ZNF737: variants seen among roughly 807,000 people sequenced by gnomAD.
ZNF737 encodes the protein zinc finger protein 737.
In ZNF737, 13 loss-of-function variants were observed where a neutral mutation model predicts 11.7. The observed-to-expected ratio is 1.11, with a 90% CI of 0.73 to 1.77. The LOEUF is 1.77. Among genes scored for constraint, ZNF737 ranks in the 40% most tolerant of loss-of-function variants. ZNF737 has a pLI of 0.00. For missense variants in ZNF737, 636 were observed against 638.0 expected, an observed-to-expected ratio of 1.00 and a Z score of 0.03; for synonymous variants, 217 against 216.2, an observed-to-expected ratio of 1.00 and a Z score of -0.03.
At chr19:20,537,722 G>A (rs570481827), downstream of ZNF737, among the ~76,000 whole-genome samples, 13 of 151,340 alleles carry the variant, frequency 8.6e-5, no homozygotes, top group South Asian at 2.5e-3. Context: ...TCACCATGTT[G>A]GCCAGGCTGG....
chr19:20,546,889 A>C (rs562103545), intron 3 of ZNF737, among the ~76,000 whole-genome samples: 92 of 152,298 alleles, frequency 6.0e-4, no homozygotes, highest in African/African-American at 9.1e-4. Flanking sequence ...AAACAACAAC[A>C]ACCAATCATT....
intron 3 of ZNF737, among the ~76,000 whole-genome samples, chr19:20,549,129 G>A (rs1599415846): frequency 6.6e-6 from 1 of 151,858 alleles, no homozygotes; most frequent in South Asian, 2.1e-4. Context: ...TCAAAAATCA[G>A]CTAAGAAAGA....
chr19:20,560,631 T>A (rs1555762202), intron 1 of ZNF737, among the ~76,000 whole-genome samples: 1 of 151,718 alleles, frequency 6.6e-6, no homozygotes, highest in African/African-American at 2.4e-5. Flanking sequence ...AAATACAGAA[T>A]TAGCTGGGTG....
intron 1 of ZNF737, among the ~76,000 whole-genome samples, chr19:20,555,228 G>T (rs1968844975): frequency 6.6e-6 from 1 of 151,032 alleles, no homozygotes; most frequent in African/African-American, 2.4e-5. Flanking sequence ...TGTTGCCCAG[G>T]CTGGAGTGCA....
chr19:20,564,158 CTG>C (rs1236601503), intron 1 of ZNF737: 1 of 151,750 alleles, frequency 6.6e-6, no homozygotes. Flanking sequence ...GAGCGAGACT[CTG>C]TTTCAAAAAA....
chr19:20,565,668 T>C lies in ZNF737; in HGVS notation c.-28A>G. 6.2e-7 allele frequency: 1 copy of C among 1,614,014 alleles called. No individual in the cohort carries two copies. The highest frequency in any genetic ancestry group is 8.5e-7 in the Non-Finnish European group (1 of 1,180,014). On this transcript the variant is annotated 5_prime_UTR_variant, in exon 1 of 4. Coordinates refer to ENST00000427401, the MANE Select transcript of ZNF737 (RefSeq NM_001159293.2). ...CTAGGCTTCCAGGGGCTCCCGGGCG[T>C]CTTAGCTGTGGATCTCCCAATACCT...
intron 1 of ZNF737, 85 bp from the exon 2 acceptor site, chr19:20,553,920 A>G: frequency 4.0e-6 from 6 of 1,518,486 alleles, no homozygotes; most frequent in Non-Finnish European, 4.5e-6. Context: ...GAGAGAGTAA[A>G]GACAAATGGT....
chr19:20,544,558 G>A lies in ZNF737; in HGVS notation c.*34C>T. 6.4e-7 allele frequency: 1 copy of A among 1,562,748 alleles called. No homozygotes were observed. The highest frequency in any genetic ancestry group is 8.6e-7 in the Non-Finnish European group (1 of 1,159,216). ...TTTTCTTATGTGAAAAAAGCATAGT[G>A]GGATAGCTTAAAGCTTTGCCACATT... On this transcript the variant is annotated 3_prime_UTR_variant, in exon 4 of 4. Coordinates refer to ENST00000427401, the MANE Select transcript of ZNF737 (RefSeq NM_001159293.2).
At chr19:20,553,015 A>C (rs202184124) in intron 2 of ZNF737, among the ~76,000 whole-genome samples, 5,477 of 148,088 alleles carry the variant, frequency 0.037, 220 homozygotes, top group African/African-American at 0.099. Flanking sequence ...CTGTCCCCGA[A>C]AAAAAAAAAA....
In ZNF737 at chr19:20,539,835, T is replaced by G. The variant is rs1555754710; in HGVS notation, c.*4757A>C. On this transcript the variant is annotated 3_prime_UTR_variant, in exon 4 of 4. Transcript: ENST00000427401. Reference sequence around the variant, plus strand: ...CTGTGTCACCAGAATGGTGCAGACATGCTGATTGAATTAGAATGAGTTCAG... The same window carrying G: ...CTGTGTCACCAGAATGGTGCAGACAGGCTGATTGAATTAGAATGAGTTCAG... 1 of 985,316 alleles carries G rather than the reference T, an allele frequency of 1.0e-6. No homozygotes were observed. The allele number at this position is 985,316 out of a possible 1,614,324, so 61.0% of individuals were successfully genotyped here.
rs1299244153 is a variant in ZNF737, at chr19:20,538,172, C to T, written c.*6420G>A. ...CTTAGAAGCAAAGTTTATTCAAAGA[C>T]CTGTGCTAACATTCTTAAATATCTG... On this transcript the variant is annotated 3_prime_UTR_variant, in exon 4 of 4. Transcript: ENST00000427401. The T allele has an allele frequency of 8.7e-6, 2 of 229,394 alleles. No homozygotes were observed. Among genetic ancestry groups the T allele is most frequent in the Non-Finnish European group, 1.4e-5 (2 of 138,898 alleles). 14.2% of individuals were successfully genotyped at this position (229,394 alleles called of 1,614,324 possible). A position where few individuals can be genotyped will look rare whatever the true frequency, so the allele number is the denominator to read the frequency against.
chr19:20,531,029 T>C (rs2545943), downstream of ZNF737, among the ~76,000 whole-genome samples: 90,907 of 145,726 alleles, frequency 0.62, 31,266 homozygotes, highest in African/African-American at 0.83. Context: ...AGCTGGAGAC[T>C]AGCCCGGCCA....
rs1555756261 is a variant in ZNF737, at chr19:20,544,915, A to G, written c.1288T>C (p.Cys430Arg). 1 of 1,613,142 alleles carries G rather than the reference A, an allele frequency of 6.2e-7. No individual in the cohort carries two copies. Among genetic ancestry groups the G allele is most frequent in the Non-Finnish European group, 8.5e-7 (1 of 1,179,576 alleles). ...TGQQPFKCEE[C>R]GKAFKCFSIL... is the part of the protein sequence containing the mutation. ...GAGAAGCACTTAAAGGCCTTGCCAC[A>G]TTCTTCACACTTGAAGGGTTGCTGT... is the stretch of plus-strand genomic sequence containing the variant. Residue 430 changes from cysteine (C) to arginine (R), a missense_variant, in exon 4 of 4, where the codon TGT becomes CGT. Transcript: ENST00000427401.
chr19:20,541,939 A>C lies in ZNF737; in HGVS notation c.*2653T>G. 1 of 833,090 alleles carries C rather than the reference A, an allele frequency of 1.2e-6. No homozygotes were observed. The allele number at this position is 833,090 out of a possible 1,614,324, so 51.6% of individuals were successfully genotyped here. A position where few individuals can be genotyped will look rare whatever the true frequency, so the allele number is the denominator to read the frequency against. On this transcript the variant is annotated 3_prime_UTR_variant, in exon 4 of 4. Transcript: ENST00000427401. The stretch of plus-strand genomic sequence containing the variant: ...AGTCAAAAGATGCCATATAAGGCAT[A>C]AATATATACACATATTATATACCCA...
At chr19:20,536,727 A>G (rs782809263), downstream of ZNF737, among the ~76,000 whole-genome samples, 33 of 152,280 alleles carry the variant, frequency 2.2e-4, no homozygotes, top group Non-Finnish European at 3.4e-4. Context: ...GGATTGCTTG[A>G]GGTCATCAGT....
Position 20,544,400 on chromosome 19 carries a change from A to G in ZNF737, c.*192T>C, listed in dbSNP as rs1555755827. ...GTCTAGTAAGGGCAGAGGTGTCCTTAAAGGCTTTGCTGCATTTTCTTATTT... is the reference window on the plus strand; with the variant it reads ...GTCTAGTAAGGGCAGAGGTGTCCTTGAAGGCTTTGCTGCATTTTCTTATTT... On this transcript the variant is annotated 3_prime_UTR_variant, in exon 4 of 4. Transcript: ENST00000427401. The G allele has an allele frequency of 7.0e-6, 10 of 1,436,996 alleles. No individual in the cohort carries two copies. The highest frequency in any genetic ancestry group is 1.4e-5 in the African/African-American group (1 of 69,678). 89.0% of individuals were successfully genotyped at this position (1,436,996 alleles called of 1,614,324 possible).
rs2144719940 is a variant in ZNF737 at position 20,565,653 on chromosome 19, A to G, written c.-13T>C. 1 of 1,614,156 alleles carries G rather than the reference A, an allele frequency of 6.2e-7. No individual in the cohort carries two copies. On this transcript the variant is annotated 5_prime_UTR_variant, in exon 1 of 4. Transcript: ENST00000427401. ...GCACTCTCACCATTTCTAGGCTTCC[A>G]GGGGCTCCCGGGCGTCTTAGCTGTG...
At chr19:20,530,414 C>T in the ZNF737 span, among the ~76,000 whole-genome samples, 1 of 149,528 alleles carries the variant, frequency 6.7e-6, no homozygotes, top group African/African-American at 2.5e-5. Flanking sequence ...GGGCTGACCC[C>T]CCACCTCCCT....
chr19:20,536,303 GTTA>G (rs1335069649), downstream of ZNF737, among the ~76,000 whole-genome samples: 61 of 152,232 alleles, frequency 4.0e-4, no homozygotes, highest in African/African-American at 1.4e-3. Context: ...ATTGTGAATG[GTTA>G]TTTTGTCAAT....
Sources: gnomAD v4.1 joint callset for allele counts (sites outside exome capture counted in the v4.1 genomes callset) on GRCh38, gnomAD v4.1.1 for gene constraint, MANE v1.5 for transcripts, NCBI Gene and HGNC (gene_info 2026-07-23, HGNC 2026-07-21) for gene names.